The following TNFSF4 variants were observed in gnomAD, a reference collection of about 807,000 sequenced individuals.
TNFSF4 encodes the protein TNF superfamily member 4.
A neutral mutation model predicts 7.3 loss-of-function variants in TNFSF4; 4 were observed. The ratio of observed to expected loss-of-function variants is 0.55; its 90% CI spans 0.27 to 1.25. The LOEUF is 1.25. TNFSF4 is among the 50% of genes most tolerant of loss of function. The probability of loss-of-function intolerance (pLI) is 0.12; values close to 1 mark genes in which losing one functional copy is unlikely to be tolerated. For missense variants in TNFSF4, 181 were observed against 208.8 expected, an observed-to-expected ratio of 0.87 and a Z score of 0.82; for synonymous variants, 76 against 83.7, an observed-to-expected ratio of 0.91 and a Z score of 0.50.
chr1:173,379,519 C>T, the TNFSF4 span, among the ~76,000 whole-genome samples: 1 of 152,118 alleles, frequency 6.6e-6, no homozygotes, highest in African/African-American at 2.4e-5. Flanking sequence ...CCTTGAGGGT[C>T]AATTGATCCT....
At chr1:173,198,655 T>C (rs949610183) in intron 1 of TNFSF4, among the ~76,000 whole-genome samples, 15 of 152,172 alleles carry the variant, frequency 9.9e-5, no homozygotes, top group African/African-American at 2.2e-4. Flanking sequence ...TCCTGTACTA[T>C]GCTTATTACC....
the TNFSF4 span, among the ~76,000 whole-genome samples, chr1:173,178,354 T>C: frequency 6.6e-6 from 1 of 152,140 alleles, no homozygotes; most frequent in Admixed American, 6.6e-5. Flanking sequence ...GGCAGGCGGA[T>C]CACGAGGTTA....
the TNFSF4 span, among the ~76,000 whole-genome samples, chr1:173,174,013 T>G: frequency 6.6e-6 from 1 of 152,218 alleles, no homozygotes; most frequent in East Asian, 1.9e-4. Flanking sequence ...CGGCTGCAAA[T>G]TTTTCAAACT....
chr1:173,203,113 A>T (rs1414533174), intron 1 of TNFSF4, among the ~76,000 whole-genome samples: 1 of 152,192 alleles, frequency 6.6e-6, no homozygotes, highest in South Asian at 2.1e-4. Context: ...GCACAAGTAA[A>T]CACTCAATGG....
At chr1:173,328,564 C>CA in the TNFSF4 span, among the ~76,000 whole-genome samples, 145 of 148,910 alleles carry the variant, frequency 9.7e-4, 1 homozygote, top group Non-Finnish European at 1.3e-3. Context: ...GTTTACCCCC[C>CA]CCCAAAAAAA....
At chr1:173,395,377 A>AATATATATATATATATAT in the TNFSF4 span, among the ~76,000 whole-genome samples, 22 of 63,232 alleles carry the variant, frequency 3.5e-4, no homozygotes, top group South Asian at 1.0e-3. Context: ...CTGTGTATAT[A>AATATATATATATATATAT]ATATATATAT....
the TNFSF4 span, among the ~76,000 whole-genome samples, chr1:173,277,542 A>G: frequency 2.0e-5 from 3 of 152,166 alleles, no homozygotes; most frequent in African/African-American, 7.2e-5. Flanking sequence ...GTTACTTAGC[A>G]TAAAGCTGGG....
At chr1:173,231,231 A>C in the TNFSF4 span, among the ~76,000 whole-genome samples, 1 of 152,352 alleles carries the variant, frequency 6.6e-6, no homozygotes, top group East Asian at 1.9e-4. Flanking sequence ...GCAGCATATC[A>C]AAGAGCTTAT....
the TNFSF4 span, among the ~76,000 whole-genome samples, chr1:173,397,665 T>C: frequency 4.6e-5 from 7 of 152,184 alleles, no homozygotes; most frequent in Non-Finnish European, 8.8e-5. Context: ...ACCTACAAAC[T>C]GGTTCACTGA....
the TNFSF4 span, among the ~76,000 whole-genome samples, chr1:173,231,331 C>T: frequency 6.6e-6 from 1 of 152,140 alleles, no homozygotes; most frequent in Admixed American, 6.5e-5. Flanking sequence ...ATAAACAGAA[C>T]CAAAGGCAAA....
chr1:173,267,826 G>A, the TNFSF4 span, among the ~76,000 whole-genome samples: 1 of 151,858 alleles, frequency 6.6e-6, no homozygotes, highest in South Asian at 2.1e-4. Flanking sequence ...GAAAGGAGAG[G>A]AGAGGAAAGG....
At chr1:173,433,943 T>C in the TNFSF4 span, among the ~76,000 whole-genome samples, 24 of 152,218 alleles carry the variant, frequency 1.6e-4, no homozygotes, top group Admixed American at 1.2e-3. Context: ...AAGGGGGAAT[T>C]TGGACACAGG....
At chr1:173,321,638 A>AC in the TNFSF4 span, among the ~76,000 whole-genome samples, 1 of 151,798 alleles carries the variant, frequency 6.6e-6, no homozygotes, top group South Asian at 2.1e-4. Context: ...GAAAAAAAAA[A>AC]CCATCAGAAA....
chr1:173,282,462 A>AT, the TNFSF4 span, among the ~76,000 whole-genome samples: 28,800 of 146,488 alleles, frequency 0.2, 2,964 homozygotes, highest in Admixed American at 0.29. Context: ...CACAGTCTAA[A>AT]TTTTTTTTTT....
the TNFSF4 span, among the ~76,000 whole-genome samples, chr1:173,396,525 G>A: frequency 2.0e-5 from 3 of 152,010 alleles, no homozygotes; most frequent in African/African-American, 4.8e-5. Flanking sequence ...AAAAAAATAC[G>A]GTTTGGGCAA....
chr1:173,329,926 G>A, the TNFSF4 span, among the ~76,000 whole-genome samples: 10 of 152,034 alleles, frequency 6.6e-5, no homozygotes, highest in Non-Finnish European at 1.5e-4. Context: ...ATCACCTGTG[G>A]TCTAGACATT....
chr1:173,345,746 C>T, the TNFSF4 span, among the ~76,000 whole-genome samples: 1 of 152,184 alleles, frequency 6.6e-6, no homozygotes, highest in South Asian at 2.1e-4. Flanking sequence ...AGAAGCATAA[C>T]TGAAGTTTGG....
At chr1:173,219,346 T>C in the TNFSF4 span, among the ~76,000 whole-genome samples, 1 of 152,218 alleles carries the variant, frequency 6.6e-6, no homozygotes, top group Non-Finnish European at 1.5e-5. Context: ...TGTAGACCAT[T>C]TCACAACACC....
At chr1:173,426,726 G>A in the TNFSF4 span, among the ~76,000 whole-genome samples, 1 of 152,100 alleles carries the variant, frequency 6.6e-6, no homozygotes, top group Non-Finnish European at 1.5e-5. Flanking sequence ...CCGAGTAGCT[G>A]GGACTACAGG....
Sources: gnomAD v4.1 joint callset for allele counts (sites outside exome capture counted in the v4.1 genomes callset) on GRCh38, gnomAD v4.1.1 for gene constraint, MANE v1.5 for transcripts, NCBI Gene and HGNC (gene_info 2026-07-23, HGNC 2026-07-21) for gene names.